The following FILIP1 variants were observed in gnomAD, a reference collection of about 807,000 sequenced individuals.
FILIP1 encodes the protein filamin A interacting protein 1, also known as filamin-A-interacting protein 1.
Under a neutral mutation model 102.1 loss-of-function variants are expected in FILIP1, and 61 were observed. The ratio of observed to expected loss-of-function variants is 0.60; its 90% CI spans 0.49 to 0.74. The LOEUF (loss-of-function observed/expected upper bound fraction) is 0.74. FILIP1 is among the 30% of genes least tolerant of loss of function. The pLI is 0.00. For missense variants in FILIP1, 1,314 were observed against 1,441.2 expected (o/e 0.91, Z 1.43); for synonymous variants, 491 against 526.9 (o/e 0.93, Z 0.93).
intron 2 of FILIP1, among the ~76,000 whole-genome samples, chr6:75,405,482 T>G (rs1263233654): frequency 6.6e-6 from 1 of 152,246 alleles, no homozygotes; most frequent in Non-Finnish European, 1.5e-5. Context: ...TTTTTCTAAA[T>G]TATTTACTTA....
intron 2 of FILIP1, among the ~76,000 whole-genome samples, chr6:75,372,645 GAA>G (rs1329680856): frequency 1.8e-5 from 1 of 54,446 alleles, no homozygotes; most frequent in African/African-American, 9.5e-5. Flanking sequence ...AAGAAAGAAA[GAA>G]AGAAAGAAAG....
chr6:75,412,592 T>A (rs1435382987), intron 2 of FILIP1, among the ~76,000 whole-genome samples: 1 of 152,042 alleles, frequency 6.6e-6, no homozygotes, highest in Non-Finnish European at 1.5e-5. Flanking sequence ...TAATGTTAAC[T>A]CCCTCCCACT....
rs764197668 is a variant in FILIP1 at position 75,312,437 on chromosome 6, G to A, written c.3395C>T (p.Thr1132Ile). 4 of 1,614,156 alleles carry A rather than the reference G, an allele frequency of 2.5e-6. No homozygotes were observed. Among genetic ancestry groups the A allele is most frequent in the Non-Finnish European group, 3.4e-6 (4 of 1,180,026 alleles). ...ASKVTSTITI[T>I]PVTTSSARGT... ...TCGAGCAGATGACGTTGTGACCGGT[G>A]TTATGGTGATAGTGCTCGTCACTTT... The change falls in exon 5 of 6, where the codon ACA becomes ATA. Residue 1132 changes from threonine to isoleucine, a missense_variant. Physicochemically the swap from Thr to Ile is moderately conservative, Grantham distance 89. Around this residue, in one of 3 missense-constraint regions of FILIP1, gnomAD observed 816 missense variants for 913.1 expected, o/e 0.89. Coordinates refer to ENST00000237172, the MANE Select transcript of FILIP1 (RefSeq NM_015687.5).
intron 4 of FILIP1, among the ~76,000 whole-genome samples, chr6:75,338,257 G>T (rs1427199009): frequency 5.3e-5 from 8 of 152,118 alleles, no homozygotes; most frequent in African/African-American, 1.7e-4. Flanking sequence ...CTCACATTCA[G>T]CCCCTGAATA....
At chr6:75,492,448 T>G (rs1366429087) in intron 1 of FILIP1, among the ~76,000 whole-genome samples, 2 of 152,200 alleles carry the variant, frequency 1.3e-5, no homozygotes, top group Non-Finnish European at 2.9e-5. Context: ...CATATTCATT[T>G]AGAGGTAAAA....
chr6:75,307,049 C>T (rs568555568), downstream of FILIP1, among the ~76,000 whole-genome samples: 12 of 152,194 alleles, frequency 7.9e-5, no homozygotes, highest in Non-Finnish European at 1.0e-4. Context: ...GTGATCCACC[C>T]ACCTCAGCCT....
At chr6:75,388,674 CTCTG>C (rs1276750876) in intron 2 of FILIP1, among the ~76,000 whole-genome samples, 2 of 152,002 alleles carry the variant, frequency 1.3e-5, no homozygotes, top group Non-Finnish European at 2.9e-5. Flanking sequence ...TTCTTTGGCT[CTCTG>C]TCTATTGTTG....
At chr6:75,382,494 T>C (rs1775936576) in intron 2 of FILIP1, among the ~76,000 whole-genome samples, 1 of 152,202 alleles carries the variant, frequency 6.6e-6, no homozygotes, top group Non-Finnish European at 1.5e-5. Flanking sequence ...TGTAGTTTGA[T>C]TCTGGGCCAG....
chr6:75,463,524 G>GACTGA (rs1338941195), intron 1 of FILIP1, among the ~76,000 whole-genome samples: 4 of 152,124 alleles, frequency 2.6e-5, no homozygotes, highest in Non-Finnish European at 5.9e-5. Context: ...AAAATAAACA[G>GACTGA]ACTGAATGAG....
At chr6:75,477,527 A>G (rs543801216) in intron 1 of FILIP1, among the ~76,000 whole-genome samples, 36 of 152,168 alleles carry the variant, frequency 2.4e-4, no homozygotes, top group African/African-American at 6.3e-4. Context: ...TACTCCATAA[A>G]TGTATATAAT....
chr6:75,295,865 A>T (rs1335626181), exon 7 of FILIP1: 12 of 1,316,916 alleles, frequency 9.1e-6, no homozygotes, highest in Middle Eastern at 1.9e-4. Context: ...TTCAATAGGG[A>T]TTCAGAGGTC....
chr6:75,435,274 T>C (rs989831416), intron 1 of FILIP1, among the ~76,000 whole-genome samples: 1 of 152,216 alleles, frequency 6.6e-6, no homozygotes, highest in South Asian at 2.1e-4. Context: ...CTGTTGATTT[T>C]TTTCAAAGAA....
chr6:75,340,314 T>A (rs1205736927), intron 4 of FILIP1, among the ~76,000 whole-genome samples: 1 of 152,128 alleles, frequency 6.6e-6, no homozygotes, highest in African/African-American at 2.4e-5. Context: ...CCACAACTGT[T>A]ATATGGATGG....
chr6:75,368,336 G>A (rs973697316), intron 2 of FILIP1, among the ~76,000 whole-genome samples: 5 of 152,216 alleles, frequency 3.3e-5, no homozygotes, highest in African/African-American at 1.2e-4. Context: ...AATGGAGTGA[G>A]TCTGTGCTTT....
At chr6:75,391,862 T>C (rs1307552851) in intron 2 of FILIP1, among the ~76,000 whole-genome samples, 1 of 152,178 alleles carries the variant, frequency 6.6e-6, no homozygotes, top group Non-Finnish European at 1.5e-5. Context: ...CTGTCTCCAA[T>C]AATCTCTCCC....
chr6:75,374,304 A>G (rs948472486), intron 2 of FILIP1, among the ~76,000 whole-genome samples: 8 of 152,216 alleles, frequency 5.3e-5, no homozygotes, highest in African/African-American at 1.9e-4. Context: ...CCTTAGGCAG[A>G]GCCCTTAAAC....
At chr6:75,372,686 AGAAAGAAAG>A (rs1775584593) in intron 2 of FILIP1, among the ~76,000 whole-genome samples, 3 of 27,190 alleles carry the variant, frequency 1.1e-4, no homozygotes, top group African/African-American at 7.0e-4. Context: ...AGAAAGAAAG[AGAAAGAAAG>A]AGAAAGAAAG....
At chr6:75,358,414 A>G (rs1339762774) in intron 3 of FILIP1, 2 of 152,200 alleles carry the variant, frequency 1.3e-5, no homozygotes, top group African/African-American at 2.4e-5. Flanking sequence ...CCCAGAGAAG[A>G]TAGAGACAGG....
intron 2 of FILIP1, among the ~76,000 whole-genome samples, chr6:75,409,078 T>C (rs1452834342): frequency 6.6e-6 from 1 of 152,240 alleles, no homozygotes; most frequent in African/African-American, 2.4e-5. Flanking sequence ...ACAAAATAGC[T>C]TCAGCCTGTG....
Sources: allele counts gnomAD v4.1 joint callset (sites outside exome capture counted in the v4.1 genomes callset), GRCh38; gene constraint gnomAD v4.1.1; regional missense constraint gnomAD v4.1.1; transcripts MANE v1.5; gene names NCBI Gene and HGNC (gene_info 2026-07-23, HGNC 2026-07-21).